The following POR variants were observed in gnomAD, a reference collection of about 807,000 sequenced individuals.
POR encodes NADPH--cytochrome P450 reductase.
POR carries 56 observed loss-of-function variants against 84.0 expected under a neutral mutation model. The ratio of observed to expected loss-of-function variants is 0.67; its 90% CI spans 0.54 to 0.83. The LOEUF is 0.83. POR is among the 40% of genes least tolerant of loss of function. The pLI is 0.00. For missense variants in POR, 938 were observed against 944.3 expected (o/e 0.99, Z 0.09); for synonymous variants, 414 against 400.5 (o/e 1.03, Z -0.40).
At chr7:75,935,299 T>G (rs1045160987) in intron 1 of POR, among the ~76,000 whole-genome samples, 2 of 151,720 alleles carry the variant, frequency 1.3e-5, no homozygotes, top group East Asian at 3.9e-4. Context: ...GAGGTGGGAG[T>G]GCATTGGCGC....
Position 75,983,746 on chromosome 7 carries a change from C to T in POR, c.956C>T (p.Ser319Phe), listed in dbSNP as rs1396246098. ...CTCACATCTCCCTCCAGGTATGAAT[C>T]TGGGGACCACGTGGCTGTGTACCCA... is the stretch of plus-strand genomic sequence containing the variant. Residue 319 changes from serine to phenylalanine, a missense_variant, in exon 10 of 16, where the codon TCT becomes TTT. Transcript: ENST00000461988. The T allele has an allele frequency of 6.2e-6, 10 of 1,612,138 alleles. No individual in the cohort carries two copies. The highest frequency in any genetic ancestry group is 1.3e-5 in the African/African-American group (1 of 74,924).
chr7:75,981,079 A>C lies in POR; in HGVS notation c.548A>C (p.His183Pro). The C allele has an allele frequency of 6.3e-7, 1 of 1,574,918 alleles. No individual in the cohort carries two copies. Among genetic ancestry groups the C allele is most frequent in the Non-Finnish European group, 8.6e-7 (1 of 1,160,716 alleles). Reference sequence around the variant, plus strand: ...GGTCTTGGGAACAAGACCTACGAGCACTTCAATGCCATGGGCAAGTACGTG... The same window carrying C: ...GGTCTTGGGAACAAGACCTACGAGCCCTTCAATGCCATGGGCAAGTACGTG... Residue 183 changes from histidine (H) to proline (P), a missense_variant, in exon 6 of 16, where the codon CAC becomes CCC. Coordinates refer to ENST00000461988, the MANE Select transcript of POR (RefSeq NM_000941.3).
At position 75,939,536 on chromosome 7, in the gene POR, C is replaced by CTT. The variant is rs3043448; in HGVS notation, c.-4-14432_-4-14431dup. On this transcript the variant is annotated intron_variant, in intron 1 of 15. Coordinates refer to ENST00000461988, the MANE Select transcript of POR (RefSeq NM_000941.3). Reference sequence around the variant, plus strand: ...AGGCCCCACAGGCCCTACTCAACAGCTTTTTTTTTTTTTTTTTTTTTTAAA... The same window carrying CTT: ...AGGCCCCACAGGCCCTACTCAACAGCTTTTTTTTTTTTTTTTTTTTTTTTAAA... Among the ~76,000 whole-genome samples, 319 of 126,072 alleles carry CTT rather than the reference C, an allele frequency of 2.5e-3. 3 individuals are homozygous for CTT. The highest frequency in any genetic ancestry group is 7.8e-3 in the African/African-American group (270 of 34,648). 82.7% of individuals were successfully genotyped at this position (126,072 alleles called of 152,430 possible). A position where few individuals can be genotyped will look rare whatever the true frequency, so the allele number is the denominator to read the frequency against.
intron 1 of POR, among the ~76,000 whole-genome samples, chr7:75,922,250 C>T (rs1442060196): frequency 6.6e-6 from 1 of 151,334 alleles, no homozygotes; most frequent in African/African-American, 2.4e-5. Flanking sequence ...TTCTGTCCCC[C>T]AAGTTTACTG....
chr7:75,924,687 T>C (rs141996887), intron 1 of POR, among the ~76,000 whole-genome samples: 2 of 152,118 alleles, frequency 1.3e-5, no homozygotes, highest in African/African-American at 4.8e-5. Flanking sequence ...ACCTGGGTGA[T>C]AGAGTGAGAC....
chr7:75,931,588 C>G (rs1001994813), intron 1 of POR, among the ~76,000 whole-genome samples: 1 of 151,960 alleles, frequency 6.6e-6, no homozygotes, highest in African/African-American at 2.4e-5. Flanking sequence ...AGGTTGGTCT[C>G]GAACTCCTGT....
At chr7:75,967,771 G>A (rs1277314163) in intron 2 of POR, 4 of 296,762 alleles carry the variant, frequency 1.3e-5, no homozygotes, top group Non-Finnish European at 6.9e-6. Flanking sequence ...GAGGGAGGAG[G>A]GGTGTGTGCC....
At chr7:75,958,106 T>C (rs1787765345) in intron 2 of POR, among the ~76,000 whole-genome samples, 2 of 152,138 alleles carry the variant, frequency 1.3e-5, no homozygotes, top group African/African-American at 2.4e-5. Context: ...TCAGGTGTTA[T>C]GGATTGTTAC....
In POR at chr7:75,981,038, G is replaced by A; in HGVS notation, c.517-10G>A. The A allele has an allele frequency of 6.4e-7, 1 of 1,564,510 alleles. No homozygotes were observed. The highest frequency in any genetic ancestry group is 8.7e-7 in the Non-Finnish European group (1 of 1,152,936). Reference sequence around the variant, plus strand: ...GGCCAGGCCTCAGAGCGGCCCCTGTGTCCACGCAGGTGTTTGGTCTTGGGA... The same window carrying A: ...GGCCAGGCCTCAGAGCGGCCCCTGTATCCACGCAGGTGTTTGGTCTTGGGA... On this transcript the variant is annotated splice_polypyrimidine_tract_variant and intron_variant, in intron 5 of 15. Coordinates refer to ENST00000461988, the MANE Select transcript of POR (RefSeq NM_000941.3).
At chr7:75,959,265 C>T (rs1554554176) in intron 2 of POR, among the ~76,000 whole-genome samples, 1 of 152,154 alleles carries the variant, frequency 6.6e-6, no homozygotes, top group African/African-American at 2.4e-5. Flanking sequence ...ACAACCAGGC[C>T]TCAAGCCTAG....
At chr7:75,926,978 A>G (rs1807162118) in intron 1 of POR, among the ~76,000 whole-genome samples, 1 of 152,082 alleles carries the variant, frequency 6.6e-6, no homozygotes, top group African/African-American at 2.4e-5. Context: ...CAGCTGCAAA[A>G]TGAACCCCAG....
intron 2 of POR, among the ~76,000 whole-genome samples, chr7:75,962,157 G>A (rs1787970181): frequency 6.6e-6 from 1 of 152,188 alleles, no homozygotes; most frequent in African/African-American, 2.4e-5. Context: ...ATTGACTGAT[G>A]TTTGATTTTG....
chr7:75,965,143 G>T (rs1788123509), intron 2 of POR, among the ~76,000 whole-genome samples: 3 of 152,236 alleles, frequency 2.0e-5, no homozygotes, highest in African/African-American at 7.2e-5. Context: ...TTTGGAGCTG[G>T]AGTGGAGGGA....
At chr7:75,949,328 G>T (rs1309933728) in intron 1 of POR, among the ~76,000 whole-genome samples, 1 of 151,968 alleles carries the variant, frequency 6.6e-6, no homozygotes, top group Non-Finnish European at 1.5e-5. Flanking sequence ...GCTAATTTCT[G>T]TATTTTTAGT....
chr7:75,918,293 G>A (rs1554548332), intron 1 of POR, among the ~76,000 whole-genome samples: 1 of 152,076 alleles, frequency 6.6e-6, no homozygotes. Flanking sequence ...GTGACAGAGT[G>A]AGACTCTGTC....
intron 1 of POR, among the ~76,000 whole-genome samples, chr7:75,930,680 G>A (rs1305077493): frequency 2.6e-5 from 4 of 151,786 alleles, no homozygotes; most frequent in East Asian, 1.9e-4. Flanking sequence ...GTGCCACCAC[G>A]CCCGTCTAAT....
intron 1 of POR, among the ~76,000 whole-genome samples, chr7:75,938,868 T>C (rs1165995901): frequency 1.3e-5 from 2 of 152,194 alleles, no homozygotes; most frequent in African/African-American, 4.8e-5. Context: ...TGTTCTAGGC[T>C]CTGGTACACG....
chr7:75,982,204 C>T lies in POR; in HGVS notation c.732-20C>T, dbSNP rs1664906471. On this transcript the variant is annotated intron_variant, in intron 7 of 15. Coordinates refer to ENST00000461988, the MANE Select transcript of POR (RefSeq NM_000941.3). ...GACCCCTGCCGCTTCCCGGCCTCAC[C>T]CTTGGTCTCCCCTTTCCAGCATTCG... 6.3e-7 allele frequency: 1 copy of T among 1,596,580 alleles called. No homozygotes were observed. The highest frequency in any genetic ancestry group is 8.5e-7 in the Non-Finnish European group (1 of 1,170,776).
chr7:75,951,325 C>CGGAG (rs1554552797), intron 1 of POR, among the ~76,000 whole-genome samples: 2 of 151,854 alleles, frequency 1.3e-5, no homozygotes, highest in African/African-American at 4.8e-5. Context: ...ACCCAGGAGG[C>CGGAG]GGAGGTTGCA....
Sources: gnomAD v4.1 joint callset for allele counts (sites outside exome capture counted in the v4.1 genomes callset) on GRCh38, gnomAD v4.1.1 for gene constraint, MANE v1.5 for transcripts, NCBI Gene and HGNC (gene_info 2026-07-23, HGNC 2026-07-21) for gene names.